The following BLTP3B variants were observed in gnomAD, a reference collection of about 807,000 sequenced individuals.
The protein encoded by BLTP3B is bridge-like lipid transfer protein family member 3B.
chr12:100,098,931 T>TAGATAGATAGATAGATAGATAGATAGAC, the BLTP3B span, among the ~76,000 whole-genome samples: 25 of 151,600 alleles, frequency 1.6e-4, no homozygotes, highest in African/African-American at 4.8e-4. Context: ...GATAGATAGA[T>TAGATAGATAGATAGATAGATAGATAGAC]AGACAGACAG....
At chr12:100,108,508 T>C in the BLTP3B span, 4 of 1,612,518 alleles carry the variant, frequency 2.5e-6, no homozygotes, top group Non-Finnish European at 3.4e-6. Context: ...CCTTTAAGGG[T>C]ACTTAGATTT....
chr12:100,072,631 T>G, the BLTP3B span: 1 of 1,423,732 alleles, frequency 7.0e-7, no homozygotes, highest in Non-Finnish European at 9.3e-7. Flanking sequence ...AAAAAATACT[T>G]TCTCAAATAA....
the BLTP3B span, chr12:100,086,383 G>GGA: frequency 2.8e-5 from 14 of 502,918 alleles, 1 homozygote; most frequent in African/African-American, 3.0e-4. Flanking sequence ...GGGGGGGGGG[G>GGA]AAATATTAAG....
the BLTP3B span, among the ~76,000 whole-genome samples, chr12:100,100,742 T>A: frequency 2.0e-5 from 3 of 147,484 alleles, no homozygotes; most frequent in Non-Finnish European, 4.5e-5. Context: ...TTTTTTTTTT[T>A]ACTCTGAACA....
the BLTP3B span, among the ~76,000 whole-genome samples, chr12:100,113,087 C>G: frequency 6.6e-6 from 1 of 152,066 alleles, no homozygotes; most frequent in Non-Finnish European, 1.5e-5. Context: ...GGGGGGATCA[C>G]CTGGGCCCAG....
chr12:100,102,478 T>G, the BLTP3B span, among the ~76,000 whole-genome samples: 3 of 152,138 alleles, frequency 2.0e-5, no homozygotes, highest in African/African-American at 7.2e-5. Flanking sequence ...GCAGAGAAAC[T>G]GATCAGAGGC....
At chr12:100,122,193 G>A in the BLTP3B span, among the ~76,000 whole-genome samples, 1 of 152,112 alleles carries the variant, frequency 6.6e-6, no homozygotes, top group Non-Finnish European at 1.5e-5. Flanking sequence ...ATGGCCTTTT[G>A]AAAACCACCC....
chr12:100,048,299 C>T, the BLTP3B span: 65 of 1,323,682 alleles, frequency 4.9e-5, no homozygotes, highest in African/African-American at 8.0e-4. Flanking sequence ...ACTATTTCCC[C>T]CTAGTTTAAA....
chr12:100,121,571 T>G, the BLTP3B span, among the ~76,000 whole-genome samples: 1 of 151,444 alleles, frequency 6.6e-6, no homozygotes, highest in South Asian at 2.1e-4. Context: ...TGGCTCAAGC[T>G]TGTAATCCCA....
At chr12:100,066,799 A>G in the BLTP3B span, among the ~76,000 whole-genome samples, 1 of 149,004 alleles carries the variant, frequency 6.7e-6, no homozygotes, top group African/African-American at 2.5e-5. Flanking sequence ...GCAAGACTCC[A>G]TCTCAAAAAA....
chr12:100,123,432 C>A, the BLTP3B span, among the ~76,000 whole-genome samples: 352 of 152,268 alleles, frequency 2.3e-3, 8 homozygotes, highest in East Asian at 0.039. Flanking sequence ...CAGAAAAATT[C>A]TGTGACCGTG....
chr12:100,069,504 A>T, the BLTP3B span, among the ~76,000 whole-genome samples: 1 of 152,140 alleles, frequency 6.6e-6, no homozygotes, highest in Non-Finnish European at 1.5e-5. Context: ...GTGTGTATAT[A>T]TATGATGGAA....
chr12:100,114,482 T>C, the BLTP3B span, among the ~76,000 whole-genome samples: 1 of 152,216 alleles, frequency 6.6e-6, no homozygotes, highest in Non-Finnish European at 1.5e-5. Context: ...GTAATTGACA[T>C]CACTAGCTAG....
chr12:100,135,782 T>C, the BLTP3B span, among the ~76,000 whole-genome samples: 1 of 152,200 alleles, frequency 6.6e-6, no homozygotes, highest in Admixed American at 6.5e-5. Context: ...GCAGGGATCT[T>C]TGCCTAGTGT....
At chr12:100,082,988 G>T in the BLTP3B span, 2 of 1,555,018 alleles carry the variant, frequency 1.3e-6, no homozygotes, top group Non-Finnish European at 1.8e-6. Flanking sequence ...GTGTTTATGA[G>T]AAAACTTAAT....
chr12:100,097,564 T>C, the BLTP3B span: 1 of 1,501,416 alleles, frequency 6.7e-7, no homozygotes, highest in Admixed American at 2.3e-5. Context: ...GAGAAAAATG[T>C]AGATTTTTAA....
chr12:100,125,766 C>T, the BLTP3B span, among the ~76,000 whole-genome samples: 1 of 152,186 alleles, frequency 6.6e-6, no homozygotes, highest in Non-Finnish European at 1.5e-5. Context: ...ACTCATTAGG[C>T]TCTTGGGAAA....
the BLTP3B span, chr12:100,084,528 TACA>T: frequency 6.2e-7 from 1 of 1,614,036 alleles, no homozygotes; most frequent in Non-Finnish European, 8.5e-7. Context: ...GAGGTGAACC[TACA>T]TTATGATCCT....
the BLTP3B span, chr12:100,058,595 T>A: frequency 1.2e-6 from 2 of 1,613,982 alleles, no homozygotes; most frequent in Non-Finnish European, 1.7e-6. Flanking sequence ...AATAATCAGG[T>A]ACCACTGGGC....
Sources: allele counts gnomAD v4.1 joint callset (sites outside exome capture counted in the v4.1 genomes callset), GRCh38; gene constraint gnomAD v4.1.1; transcripts MANE v1.5; gene names NCBI Gene and HGNC (gene_info 2026-07-23, HGNC 2026-07-21).